ZMAT4: variants seen among roughly 807,000 people sequenced by gnomAD.
ZMAT4 encodes zinc finger matrin-type 4.
In ZMAT4, 17 loss-of-function variants were observed where a neutral mutation model predicts 28.7. The observed-to-expected ratio is 0.59, with a 90% confidence interval of 0.41 to 0.89. The LOEUF (loss-of-function observed/expected upper bound fraction) is 0.89. Ranked by LOEUF, ZMAT4 falls within the 40% of genes least tolerant of loss-of-function variation. ZMAT4 has a pLI of 0.00. For missense variants in ZMAT4, 240 were observed against 283.8 expected, an observed-to-expected ratio of 0.85 and a Z score of 1.11; for synonymous variants, 117 against 109.2, an observed-to-expected ratio of 1.07 and a Z score of -0.44.
chr8:40,845,896 A>G (rs1369977598), intron 1 of ZMAT4, among the ~76,000 whole-genome samples: 2 of 152,104 alleles, frequency 1.3e-5, no homozygotes, highest in Non-Finnish European at 2.9e-5. Context: ...AAAGACAACA[A>G]GATGTCAAGA....
At chr8:40,616,563 A>G (rs1806013213) in intron 5 of ZMAT4, among the ~76,000 whole-genome samples, 1 of 152,200 alleles carries the variant, frequency 6.6e-6, no homozygotes, top group Admixed American at 6.5e-5. Context: ...GCCATAAAAA[A>G]GGATGAGTTC....
intron 5 of ZMAT4, among the ~76,000 whole-genome samples, chr8:40,616,509 G>A (rs1214180185): frequency 6.6e-6 from 1 of 152,120 alleles, no homozygotes; most frequent in African/African-American, 2.4e-5. Flanking sequence ...ATGATAGACT[G>A]GATTAAGAAA....
chr8:40,699,760 G>A (rs937315435), intron 3 of ZMAT4, among the ~76,000 whole-genome samples: 6 of 152,224 alleles, frequency 3.9e-5, no homozygotes, highest in African/African-American at 1.4e-4. Flanking sequence ...GTCAAAGCGT[G>A]TAATTTTTTA....
intron 1 of ZMAT4, among the ~76,000 whole-genome samples, chr8:40,865,444 C>A (rs541199627): frequency 2.2e-4 from 33 of 152,324 alleles, no homozygotes; most frequent in African/African-American, 7.7e-4. Context: ...TGACCAATGG[C>A]AGAGGGATCT....
chr8:40,583,760 T>C (rs1295405985), intron 5 of ZMAT4, among the ~76,000 whole-genome samples: 1 of 152,050 alleles, frequency 6.6e-6, no homozygotes, highest in Non-Finnish European at 1.5e-5. Context: ...CTTGTTTGGT[T>C]TGGTAAGGTG....
intron 6 of ZMAT4, among the ~76,000 whole-genome samples, chr8:40,548,534 T>G (rs1333687756): frequency 6.6e-6 from 1 of 152,194 alleles, no homozygotes; most frequent in Non-Finnish European, 1.5e-5. Flanking sequence ...GAAATGAAAT[T>G]TAAAGCCAAA....
intron 3 of ZMAT4, among the ~76,000 whole-genome samples, chr8:40,763,905 T>C (rs889976237): frequency 1.3e-5 from 2 of 152,040 alleles, no homozygotes; most frequent in Admixed American, 1.3e-4. Context: ...TAACCCCACA[T>C]AAAAATACTG....
At chr8:40,645,310 T>G (rs1325865803) in intron 5 of ZMAT4, among the ~76,000 whole-genome samples, 1 of 152,108 alleles carries the variant, frequency 6.6e-6, no homozygotes, top group Admixed American at 6.5e-5. Flanking sequence ...AATTTTAAGT[T>G]ATTGAGATAA....
intron 5 of ZMAT4, among the ~76,000 whole-genome samples, chr8:40,671,153 A>T (rs1808650274): frequency 6.6e-6 from 1 of 152,164 alleles, no homozygotes; most frequent in African/African-American, 2.4e-5. Flanking sequence ...TATATGCACT[A>T]AAATGGCTAA....
intron 1 of ZMAT4, among the ~76,000 whole-genome samples, chr8:40,839,662 A>T (rs541596516): frequency 6.6e-6 from 1 of 152,214 alleles, no homozygotes; most frequent in Non-Finnish European, 1.5e-5. Context: ...TTGCAGCAAC[A>T]TGAATGGATT....
intron 5 of ZMAT4, among the ~76,000 whole-genome samples, chr8:40,648,016 C>T (rs535820853): frequency 7.8e-4 from 119 of 152,290 alleles, no homozygotes; most frequent in Non-Finnish European, 7.9e-4. Flanking sequence ...AAGCAGAGTG[C>T]CTCTCCTCCG....
intron 6 of ZMAT4, among the ~76,000 whole-genome samples, chr8:40,561,705 C>A (rs957120603): frequency 6.6e-6 from 1 of 152,146 alleles, no homozygotes; most frequent in Non-Finnish European, 1.5e-5. Flanking sequence ...AGGCTGCATG[C>A]GGCTCAGGAT....
At chr8:40,553,232 C>T (rs577452306) in intron 6 of ZMAT4, among the ~76,000 whole-genome samples, 1 of 152,286 alleles carries the variant, frequency 6.6e-6, no homozygotes, top group East Asian at 1.9e-4. Context: ...TGCAGCCCCA[C>T]TCAAACCTTC....
Position 40,813,340 on chromosome 8 carries a change from G to A in ZMAT4, c.102+12235C>T, listed in dbSNP as rs554063865. 7.2e-5 allele frequency among the ~76,000 whole-genome samples: 11 copies of A among 152,336 alleles called. No homozygotes were observed. The East Asian group carries it at 2.1e-3, about 29-fold the overall frequency. ...AGAAGATCCCCAACCTCATGTTACA[G>A]AAGAAGAAATTAAAATCAGGAAGGG... On this transcript the variant is annotated intron_variant, in intron 2 of 6. Transcript: ENST00000297737.
Position 40,825,628 on chromosome 8 carries a change from T to A in ZMAT4, c.49A>T (p.Lys17Ter). 1 of 1,555,730 alleles carries A rather than the reference T, an allele frequency of 6.4e-7. No homozygotes were observed. The highest frequency in any genetic ancestry group is 8.7e-7 in the Non-Finnish European group (1 of 1,148,566). Residue 17 changes from lysine (K) to a stop codon, truncating the protein, a stop_gained, in exon 2 of 7, where the codon AAG becomes TAG. Coordinates refer to ENST00000297737, the MANE Select transcript of ZMAT4 (RefSeq NM_024645.3). LOFTEE classifies it high-confidence loss of function. ...GAGATCAGCTGTGCACTGCACACCT[T>A]GCAGTAACTGTCTGTGAATAAATCC... is the stretch of plus-strand genomic sequence containing the variant. The part of the protein sequence containing the change: ...DQDLFTDSYC[K>*]VCSAQLISES...
intron 3 of ZMAT4, among the ~76,000 whole-genome samples, chr8:40,745,629 A>C (rs1812184595): frequency 6.6e-6 from 1 of 152,184 alleles, no homozygotes; most frequent in South Asian, 2.1e-4. Flanking sequence ...GAGAGAGAAT[A>C]AGTGCCGAAA....
chr8:40,591,550 T>C (rs1395429949), intron 5 of ZMAT4, among the ~76,000 whole-genome samples: 5 of 152,108 alleles, frequency 3.3e-5, no homozygotes, highest in African/African-American at 1.2e-4. Context: ...CAGTACCATT[T>C]CTCTTTGCTC....
At chr8:40,874,021 G>T (rs1303502329) in intron 1 of ZMAT4, among the ~76,000 whole-genome samples, 1 of 152,186 alleles carries the variant, frequency 6.6e-6, no homozygotes, top group Non-Finnish European at 1.5e-5. Flanking sequence ...TGTGGGATTT[G>T]AGCTGCATTT....
intron 1 of ZMAT4, among the ~76,000 whole-genome samples, chr8:40,885,188 G>A (rs867052995): frequency 6.6e-6 from 1 of 151,962 alleles, no homozygotes; most frequent in Non-Finnish European, 1.5e-5. Context: ...AAACAAACTC[G>A]TTTCCTCCCT....
Sources: allele counts gnomAD v4.1 joint callset (sites outside exome capture counted in the v4.1 genomes callset), GRCh38; gene constraint gnomAD v4.1.1; transcripts MANE v1.5; gene names NCBI Gene and HGNC (gene_info 2026-07-23, HGNC 2026-07-21).